Variants in MLIP observed in about 807,000 individuals in gnomAD.
MLIP encodes the protein muscular LMNA interacting protein.
MLIP carries 79 observed loss-of-function variants against 84.8 expected under a neutral mutation model. That is an observed-to-expected ratio of 0.93 (90% CI 0.78 to 1.12). MLIP has a LOEUF of 1.12. Ranked by LOEUF, MLIP falls within the 50% of genes most tolerant of loss-of-function variation. The probability of loss-of-function intolerance (pLI) is 0.00; values close to 1 mark genes in which losing one functional copy is unlikely to be tolerated. For missense variants in MLIP, 1,257 were observed against 1,160.6 expected, an observed-to-expected ratio of 1.08 and a Z score of -1.21; for synonymous variants, 504 against 463.0, an observed-to-expected ratio of 1.09 and a Z score of -1.14.
At chr6:54,196,664 C>T (rs959469377) in intron 10 of MLIP, among the ~76,000 whole-genome samples, 2 of 152,038 alleles carry the variant, frequency 1.3e-5, no homozygotes, top group African/African-American at 2.4e-5. Flanking sequence ...TTATAGTCAG[C>T]ACACTGAGCT....
chr6:54,035,583 C>T lies in MLIP; in HGVS notation c.63+16492C>T, dbSNP rs575898962. 3.3e-5 allele frequency among the ~76,000 whole-genome samples: 5 copies of T among 152,134 alleles called. No individual in the cohort carries two copies. In the South Asian group the frequency reaches 1.0e-3, roughly 32 times the overall value. On this transcript the variant is annotated intron_variant, in intron 1 of 12. Transcript: ENST00000274897. ...TAGCTGTACCATTTTACATTCCTAT[C>T]AGCAATGTATGAGTGTCACAGTTTC...
chr6:54,266,030 A>C lies in MLIP; in HGVS notation c.*75A>C. The C allele has an allele frequency of 4.1e-6, 6 of 1,467,626 alleles. No homozygotes were observed. In the Admixed American group the frequency reaches 6.1e-5, roughly 15 times the overall value. 90.9% of individuals were successfully genotyped at this position (1,467,626 alleles called of 1,614,324 possible). On this transcript the variant is annotated 3_prime_UTR_variant, in exon 14 of 14. Transcript: ENST00000502396. ...TGGTGCTAACCACTTGCTAGATTTA[A>C]CTTTTTTTTTTTTTTCCAGAATGAG...
chr6:54,044,996 T>C (rs963960587), intron 1 of MLIP, among the ~76,000 whole-genome samples: 10 of 152,212 alleles, frequency 6.6e-5, no homozygotes, highest in African/African-American at 2.4e-4. Flanking sequence ...ACTTTAATCA[T>C]AGTAATTTAA....
chr6:54,123,100 A>AT (rs34364066), intron 2 of MLIP, among the ~76,000 whole-genome samples: 59,320 of 147,822 alleles, frequency 0.4, 11,972 homozygotes, highest in African/African-American at 0.5. Context: ...CGCCCGGCTA[A>AT]TTTTTTTTGT....
At chr6:54,212,747 CTTAAA>C (rs1779550324) in intron 11 of MLIP, among the ~76,000 whole-genome samples, 1 of 151,984 alleles carries the variant, frequency 6.6e-6, no homozygotes, top group African/African-American at 2.4e-5. Context: ...TTTCCTTTGC[CTTAAA>C]TTAAAACCCC....
intron 10 of MLIP, among the ~76,000 whole-genome samples, chr6:54,194,465 A>T (rs1160464417): frequency 6.6e-6 from 1 of 152,122 alleles, no homozygotes; most frequent in Non-Finnish European, 1.5e-5. Flanking sequence ...TATTTCATGA[A>T]ATGGTTCTTG....
intron 1 of MLIP, among the ~76,000 whole-genome samples, chr6:54,119,541 G>A (rs1158236699): frequency 6.6e-6 from 1 of 152,190 alleles, no homozygotes; most frequent in East Asian, 1.9e-4. Context: ...GTGGTTGGTA[G>A]GAGGGAGGGG....
chr6:54,256,882 G>A (rs1018329099), intron 12 of MLIP, among the ~76,000 whole-genome samples: 3 of 152,086 alleles, frequency 2.0e-5, no homozygotes, highest in African/African-American at 4.8e-5. Context: ...TACACTTACC[G>A]TGGGTCTGAA....
chr6:54,197,840 T>C (rs1778405794), intron 10 of MLIP, among the ~76,000 whole-genome samples: 1 of 152,108 alleles, frequency 6.6e-6, no homozygotes, highest in African/African-American at 2.4e-5. Context: ...CCTAACTTGA[T>C]AGATCTAATT....
At chr6:54,080,354 C>T (rs1398335114) in intron 1 of MLIP, among the ~76,000 whole-genome samples, 2 of 152,124 alleles carry the variant, frequency 1.3e-5, no homozygotes, top group East Asian at 3.9e-4. Context: ...ATATAGACTC[C>T]ATCTTCACCC....
chr6:54,148,982 A>T, intron 4 of MLIP, 74 bp from the exon 5 acceptor site: 1 of 1,245,194 alleles, frequency 8.0e-7, no homozygotes, highest in Non-Finnish European at 1.2e-6. Context: ...TTAACTTGGT[A>T]GAACTGTCTG....
At chr6:54,056,165 G>A (rs1366214218) in intron 1 of MLIP, among the ~76,000 whole-genome samples, 2 of 152,062 alleles carry the variant, frequency 1.3e-5, no homozygotes, top group Non-Finnish European at 1.5e-5. Flanking sequence ...CTTTGTTTAC[G>A]TGAATTATTT....
chr6:54,107,211 C>G (rs1272384030), upstream of MLIP, among the ~76,000 whole-genome samples: 6 of 152,110 alleles, frequency 3.9e-5, no homozygotes, highest in Non-Finnish European at 8.8e-5. Context: ...CTACTGATAT[C>G]TTTTTAAACT....
chr6:54,142,799 C>T (rs1772427482), intron 4 of MLIP, among the ~76,000 whole-genome samples: 1 of 151,776 alleles, frequency 6.6e-6, no homozygotes, highest in Non-Finnish European at 1.5e-5. Context: ...ATGATGGTGG[C>T]TATGGTCAAG....
At chr6:54,029,850 G>T (rs1764024984) in intron 1 of MLIP, among the ~76,000 whole-genome samples, 1 of 152,110 alleles carries the variant, frequency 6.6e-6, no homozygotes, top group African/African-American at 2.4e-5. Context: ...ATGCTGGGAT[G>T]CGGTGGTAAG....
rs767692253 is a variant in MLIP at position 54,124,706 on chromosome 6, AG to A, written c.492del (p.Ile165LeufsTer11). 12 of 1,614,138 alleles carry A rather than the reference AG, an allele frequency of 7.4e-6. No individual in the cohort carries two copies. The highest frequency in any genetic ancestry group is 1.0e-5 in the Non-Finnish European group (12 of 1,179,994). On this transcript the variant is annotated frameshift_variant, in exon 3 of 14. Transcript: ENST00000502396. LOFTEE classifies it high-confidence loss of function. ...ASRKVEQGPPGGIGTAAVRPK... is the reference protein window; with the variant it reads ...ASRKVEQGPPXGIGTAAVRPK... ...GCAGAAAAGTTGAACAAGGCCCCCC[AG>A]GGGGGATTGGCACCGCAGCTGTCCG...
At chr6:54,097,786 T>C (rs1463316297) in intron 1 of MLIP, among the ~76,000 whole-genome samples, 1 of 152,128 alleles carries the variant, frequency 6.6e-6, no homozygotes, top group Non-Finnish European at 1.5e-5. Flanking sequence ...AACAGGTAGG[T>C]TTTTATAAAT....
intron 5 of MLIP, 43 bp from the exon 6 acceptor site, chr6:54,160,324 A>C: frequency 1.3e-6 from 2 of 1,502,810 alleles, no homozygotes; most frequent in Non-Finnish European, 1.8e-6. Context: ...CTCCAGTTGT[A>C]TGACTAGAAG....
intron 12 of MLIP, among the ~76,000 whole-genome samples, chr6:54,255,384 C>T (rs887807825): frequency 6.6e-6 from 1 of 152,126 alleles, no homozygotes; most frequent in Non-Finnish European, 1.5e-5. Flanking sequence ...ACTAAATGAA[C>T]AAACCCATAT....
Sources: allele counts gnomAD v4.1 joint callset (sites outside exome capture counted in the v4.1 genomes callset), GRCh38; gene constraint gnomAD v4.1.1; transcripts MANE v1.5; gene names NCBI Gene and HGNC (gene_info 2026-07-23, HGNC 2026-07-21).